Variants in CFAP36 observed in about 807,000 individuals in gnomAD.
CFAP36 encodes cilia- and flagella-associated protein 36.
A neutral mutation model predicts 50.5 loss-of-function variants in CFAP36; 37 were observed. That is an observed-to-expected ratio of 0.73 (90% CI 0.56 to 0.96). CFAP36 has a LOEUF of 0.96. CFAP36 is among the 50% of genes least tolerant of loss of function. CFAP36 has a pLI of 0.00. For missense variants in CFAP36, 407 were observed against 396.2 expected, an observed-to-expected ratio of 1.03 and a Z score of -0.23; for synonymous variants, 138 against 128.2, an observed-to-expected ratio of 1.08 and a Z score of -0.52.
chr2:55,529,639 C>T (rs1292645501), intron 4 of CFAP36, among the ~76,000 whole-genome samples: 1 of 145,184 alleles, frequency 6.9e-6, no homozygotes, highest in African/African-American at 2.5e-5. Flanking sequence ...TTGTAGGAAG[C>T]AGTGGTTCTT....
chr2:55,525,322 G>A (rs1336177343), intron 3 of CFAP36, among the ~76,000 whole-genome samples: 2 of 152,096 alleles, frequency 1.3e-5, no homozygotes, highest in Non-Finnish European at 2.9e-5. Flanking sequence ...TGTAGGTTGT[G>A]GTGGTGTTCT....
intron 7 of CFAP36, among the ~76,000 whole-genome samples, chr2:55,543,338 G>A (rs1684689229): frequency 6.6e-6 from 1 of 152,136 alleles, no homozygotes; most frequent in Admixed American, 6.6e-5. Flanking sequence ...TGGCTGGAAA[G>A]TATTTAGTGC....
intron 1 of CFAP36, chr2:55,520,421 G>T (rs1684031514): frequency 3.2e-6 from 5 of 1,548,068 alleles, no homozygotes; most frequent in Admixed American, 2.0e-5. Context: ...GCAAAGGAGG[G>T]CATGTGATAA....
chr2:55,535,928 C>T (rs1284377389), intron 6 of CFAP36, 165 bp downstream of exon 6: 13 of 1,325,172 alleles, frequency 9.8e-6, no homozygotes, highest in East Asian at 5.5e-5. Context: ...CTATGTATGT[C>T]GTGCATTACT....
At chr2:55,533,474 G>T (rs1249534989) in intron 4 of CFAP36, among the ~76,000 whole-genome samples, 1 of 151,930 alleles carries the variant, frequency 6.6e-6, no homozygotes, top group Non-Finnish European at 1.5e-5. Flanking sequence ...TAGGCCGAGG[G>T]GGGCAGATGA....
At chr2:55,536,598 G>A (rs1171038772) in intron 6 of CFAP36, among the ~76,000 whole-genome samples, 1 of 151,152 alleles carries the variant, frequency 6.6e-6, no homozygotes, top group Non-Finnish European at 1.5e-5. Context: ...TTACAGGCGT[G>A]TACCACCACG....
chr2:55,524,340 A>G (rs1558907119), intron 3 of CFAP36, among the ~76,000 whole-genome samples: 1 of 151,866 alleles, frequency 6.6e-6, no homozygotes, highest in African/African-American at 2.4e-5. Context: ...TATAGGCTCA[A>G]CATCCCTGGG....
In CFAP36 at chr2:55,519,853, G is replaced by C. The variant is rs755357181; in HGVS notation, c.52G>C (p.Gly18Arg). 8.1e-6 allele frequency: 13 copies of C among 1,614,248 alleles called. 1 individual carries two copies. In the South Asian group the frequency reaches 1.3e-4, roughly 16 times the overall value. Residue 18 changes from glycine (G) to arginine (R), a missense_variant, in exon 1 of 10, where the codon GGG (glycine) becomes CGG (arginine). Gly to Arg is a moderately radical substitution (Grantham distance 125). Coordinates refer to ENST00000349456, the MANE Select transcript of CFAP36 (RefSeq NM_080667.7). ...GGAGTGGGTAGTGGAGAGCATCGCG[G>C]GGTTCCTGCGAGGCCCAGACTGGTC... The part of the protein sequence containing the change: ...EVEWVVESIA[G>R]FLRGPDWSIP...
chr2:55,535,632 T>A, intron 5 of CFAP36, 80 bp from the exon 6 acceptor site: 1 of 1,038,240 alleles, frequency 9.6e-7, no homozygotes, highest in Non-Finnish European at 1.4e-6. Context: ...AAGCTTAGGT[T>A]AGCATGTTGC....
At chr2:55,534,423 C>A (rs572432031) in intron 5 of CFAP36, among the ~76,000 whole-genome samples, 6 of 152,178 alleles carry the variant, frequency 3.9e-5, no homozygotes, top group Admixed American at 1.3e-4. Context: ...ATGACAGAGG[C>A]GTCTATCCCA....
At chr2:55,528,013 C>CA (rs1558908698) in intron 3 of CFAP36, among the ~76,000 whole-genome samples, 1 of 150,400 alleles carries the variant, frequency 6.6e-6, no homozygotes, top group Non-Finnish European at 1.5e-5. Context: ...CTATAAAATA[C>CA]AAAAAAATTA....
intron 7 of CFAP36, among the ~76,000 whole-genome samples, chr2:55,542,148 C>T (rs917967031): frequency 1.3e-5 from 2 of 152,278 alleles, no homozygotes; most frequent in African/African-American, 4.8e-5. Flanking sequence ...CACCTAAGTA[C>T]ATACACTATT....
intron 4 of CFAP36, among the ~76,000 whole-genome samples, chr2:55,533,581 G>C (rs1433126631): frequency 2.0e-5 from 3 of 151,820 alleles, no homozygotes; most frequent in Non-Finnish European, 2.9e-5. Context: ...TGTAATCCCA[G>C]CTACTCTGGA....
chr2:55,530,010 T>C (rs761228963), intron 4 of CFAP36, among the ~76,000 whole-genome samples: 5 of 152,128 alleles, frequency 3.3e-5, no homozygotes, highest in Non-Finnish European at 5.9e-5. Flanking sequence ...ATTTAATAGG[T>C]CTGGGGTACC....
intron 5 of CFAP36, 31 bp from the exon 6 acceptor site, chr2:55,535,681 T>C: frequency 6.8e-7 from 1 of 1,479,806 alleles, no homozygotes; most frequent in African/African-American, 1.5e-5. Context: ...AAAGGAAATT[T>C]ATCTTTTTAT....
At chr2:55,528,793 C>T (rs1346355370) in intron 3 of CFAP36, 85 bp from the exon 4 acceptor site, 1 of 716,062 alleles carries the variant, frequency 1.4e-6, no homozygotes, top group African/African-American at 1.8e-5. Context: ...AATTAATCTA[C>T]TGTTTTGCAG....
At chr2:55,532,311 G>C (rs534883970) in intron 4 of CFAP36, among the ~76,000 whole-genome samples, 1 of 152,026 alleles carries the variant, frequency 6.6e-6, no homozygotes, top group Admixed American at 6.6e-5. Flanking sequence ...CAGACTATTT[G>C]AAAATAGTTC....
chr2:55,526,917 A>G (rs1684221904), intron 3 of CFAP36, among the ~76,000 whole-genome samples: 1 of 152,194 alleles, frequency 6.6e-6, no homozygotes, highest in African/African-American at 2.4e-5. Flanking sequence ...AGTCCTAGCT[A>G]CTTGGGAAGC....
chr2:55,532,236 G>C (rs992933969), intron 4 of CFAP36, among the ~76,000 whole-genome samples: 1 of 151,638 alleles, frequency 6.6e-6, no homozygotes, highest in African/African-American at 2.4e-5. Context: ...AGAAAAGAAA[G>C]AATGTTGCCT....
Sources: allele counts gnomAD v4.1 joint callset (sites outside exome capture counted in the v4.1 genomes callset), GRCh38; gene constraint gnomAD v4.1.1; transcripts MANE v1.5; gene names NCBI Gene and HGNC (gene_info 2026-07-23, HGNC 2026-07-21).